Variants in ZNF850 observed in about 807,000 individuals in gnomAD.
ZNF850 encodes zinc finger protein 850.
ZNF850 carries 2 observed loss-of-function variants against 11.9 expected under a neutral mutation model. That is an observed-to-expected ratio of 0.17 (90% CI 0.07 to 0.53). The LOEUF is 0.53. Ranked by LOEUF, ZNF850 falls within the 20% of genes least tolerant of loss-of-function variation. ZNF850 has a pLI of 0.94. For missense variants in ZNF850, 1,014 were observed against 1,316.4 expected, an observed-to-expected ratio of 0.77 and a Z score of 3.55; for synonymous variants, 381 against 443.0, an observed-to-expected ratio of 0.86 and a Z score of 1.76.
rs2145953336 is a variant in ZNF850 at position 36,747,689 on chromosome 19, C to A, written c.*78G>T. 3.3e-6 allele frequency: 4 copies of A among 1,227,988 alleles called. No homozygotes were observed. The highest frequency in any genetic ancestry group is 3.5e-5 in the South Asian group (2 of 56,384). 76.1% of individuals were successfully genotyped at this position (1,227,988 alleles called of 1,614,324 possible). On this transcript the variant is annotated 3_prime_UTR_variant, in exon 5 of 5. Transcript: ENST00000591344. ...GAAAAAGTGAATATGAAGTAATACA[C>A]ATCCATTGTATTTGACCCACATATG...
At chr19:36,769,715 T>C (rs1171464003) in intron 1 of ZNF850, among the ~76,000 whole-genome samples, 1 of 152,214 alleles carries the variant, frequency 6.6e-6, no homozygotes, top group Non-Finnish European at 1.5e-5. Context: ...CTTCCTCTGC[T>C]TCACAACAAA....
At chr19:36,755,188 A>G (rs1056057721) in intron 4 of ZNF850, among the ~76,000 whole-genome samples, 4 of 152,190 alleles carry the variant, frequency 2.6e-5, no homozygotes. Flanking sequence ...ACATTTACAA[A>G]AGCTTATGGG....
intron 4 of ZNF850, among the ~76,000 whole-genome samples, chr19:36,761,164 G>T (rs998157599): frequency 1.4e-4 from 21 of 151,680 alleles, no homozygotes; most frequent in African/African-American, 4.6e-4. Flanking sequence ...TCTTGGCCAG[G>T]CGCAGTGGCT....
intron 1 of ZNF850, among the ~76,000 whole-genome samples, chr19:36,770,994 G>C (rs2040578430): frequency 6.6e-6 from 1 of 152,014 alleles, no homozygotes; most frequent in South Asian, 2.1e-4. Context: ...CACTTATTTG[G>C]ACTGAGATTA....
At chr19:36,767,062 C>A (rs1033194196) in intron 1 of ZNF850, among the ~76,000 whole-genome samples, 1 of 151,664 alleles carries the variant, frequency 6.6e-6, no homozygotes, top group Admixed American at 6.6e-5. Context: ...CATGGTGAAA[C>A]CCTGTCTCAA....
chr19:36,754,846 C>T (rs770052770), intron 4 of ZNF850, among the ~76,000 whole-genome samples: 14 of 152,252 alleles, frequency 9.2e-5, no homozygotes, highest in African/African-American at 2.2e-4. Flanking sequence ...TGAGCGACCA[C>T]GCACGGCTGA....
intron 1 of ZNF850, among the ~76,000 whole-genome samples, chr19:36,765,094 T>C (rs1252959794): frequency 1.3e-5 from 2 of 152,238 alleles, no homozygotes; most frequent in Non-Finnish European, 2.9e-5. Flanking sequence ...GCTAGCAACA[T>C]TGCTGCTTGC....
At chr19:36,768,152 A>G (rs1158328370) in intron 1 of ZNF850, among the ~76,000 whole-genome samples, 1 of 151,550 alleles carries the variant, frequency 6.6e-6, no homozygotes, top group Admixed American at 6.6e-5. Context: ...ACATCTGTGA[A>G]CTGTGACCAC....
At chr19:36,757,227 A>G (rs1256335959) in intron 4 of ZNF850, among the ~76,000 whole-genome samples, 1 of 152,176 alleles carries the variant, frequency 6.6e-6, no homozygotes, top group Admixed American at 6.6e-5. Flanking sequence ...ACTAGTAAAT[A>G]GAAGCTTTTC....
chr19:36,745,298 T>C lies in ZNF850; in HGVS notation c.*2469A>G, dbSNP rs1600600903. On this transcript the variant is annotated 3_prime_UTR_variant, in exon 5 of 5. Coordinates refer to ENST00000591344, the MANE Select transcript of ZNF850 (RefSeq NM_001193552.2). ...AAACGCAAGTGTAATTTAAATAGAA[T>C]GAAATACAACAATCCGAAGTGCATA... 2 of 152,272 alleles carry C rather than the reference T, an allele frequency of 1.3e-5. No individual in the cohort carries two copies. The highest frequency in any genetic ancestry group is 6.5e-5 in the Admixed American group (1 of 15,278). 9.4% of individuals were successfully genotyped at this position (152,272 alleles called of 1,614,324 possible). A position where few individuals can be genotyped will look rare whatever the true frequency, so the allele number is the denominator to read the frequency against.
intron 4 of ZNF850, among the ~76,000 whole-genome samples, chr19:36,760,985 A>C (rs2040514487): frequency 6.6e-6 from 1 of 152,220 alleles, no homozygotes; most frequent in East Asian, 1.9e-4. Flanking sequence ...TATTTTGAAA[A>C]AAAAATTTTT....
intron 1 of ZNF850, among the ~76,000 whole-genome samples, chr19:36,770,107 G>C (rs2040572201): frequency 6.6e-6 from 1 of 152,210 alleles, no homozygotes; most frequent in African/African-American, 2.4e-5. Flanking sequence ...CTAGGGCGAG[G>C]TATGGGGCAA....
At chr19:36,754,516 A>G (rs992373973) in intron 4 of ZNF850, among the ~76,000 whole-genome samples, 21 of 152,264 alleles carry the variant, frequency 1.4e-4, no homozygotes, top group African/African-American at 4.1e-4. Flanking sequence ...GAGAAAATAC[A>G]AAAAGTTTAG....
chr19:36,762,251 C>T (rs2040523542), intron 3 of ZNF850, 54 bp downstream of exon 3: 2 of 1,414,326 alleles, frequency 1.4e-6, no homozygotes, highest in Non-Finnish European at 1.9e-6. Flanking sequence ...GTCACCCAGA[C>T]AATTGAAAGC....
rs1170436980 is a variant in ZNF850 at position 36,746,261 on chromosome 19, G to C, written c.*1506C>G. 1 of 152,152 alleles carries C rather than the reference G, an allele frequency of 6.6e-6. No individual in the cohort carries two copies. The highest frequency in any genetic ancestry group is 2.4e-5 in the African/African-American group (1 of 41,444). 9.4% of individuals were successfully genotyped at this position (152,152 alleles called of 1,614,324 possible). ...CAACTTTCTCATTGTTGTTATATCT[G>C]TTATGGTGGCCTATGATTATCTTAG... On this transcript the variant is annotated 3_prime_UTR_variant, in exon 5 of 5. Coordinates refer to ENST00000591344, the MANE Select transcript of ZNF850 (RefSeq NM_001193552.2).
In ZNF850 at chr19:36,749,802, G is replaced by A; in HGVS notation, c.1238C>T (p.Ala413Val). 1 of 1,540,820 alleles carries A rather than the reference G, an allele frequency of 6.5e-7. No homozygotes were observed. Among genetic ancestry groups the A allele is most frequent in the Non-Finnish European group, 8.7e-7 (1 of 1,149,444 alleles). The change falls in exon 5 of 5, where the codon GCA becomes GTA. Residue 413 changes from alanine to valine, a missense_variant. Physicochemically the swap from Ala to Val is moderately conservative, Grantham distance 64. Around this residue, in one of 2 missense-constraint regions of ZNF850, gnomAD observed 835 missense variants for 1,022.0 expected, o/e 0.82. Coordinates refer to ENST00000591344, the MANE Select transcript of ZNF850 (RefSeq NM_001193552.2). ...TFRSGLIGHQ[A>V]IHTGEKPYDC... is the part of the protein sequence containing the mutation. ...ATAGGGTTTCTCACCAGTGTGAATT[G>A]CCTGGTGTCCAATTAACCCTGAGCG... is the stretch of plus-strand genomic sequence containing the variant.
At chr19:36,767,292 C>T (rs1172178921) in intron 1 of ZNF850, among the ~76,000 whole-genome samples, 1 of 151,892 alleles carries the variant, frequency 6.6e-6, no homozygotes, top group African/African-American at 2.4e-5. Flanking sequence ...CACAGTGGCT[C>T]ATGCCTGCAA....
chr19:36,771,364 G>T (rs1238730677), intron 1 of ZNF850, among the ~76,000 whole-genome samples: 1 of 152,182 alleles, frequency 6.6e-6, no homozygotes, highest in Non-Finnish European at 1.5e-5. Flanking sequence ...ATCCCAGGCT[G>T]AAGTGAAAGT....
Position 36,762,663 on chromosome 19 carries a change from T to C in ZNF850, c.-57A>G. 1.3e-6 allele frequency: 2 copies of C among 1,496,806 alleles called. No homozygotes were observed. The highest frequency in any genetic ancestry group is 1.8e-6 in the Non-Finnish European group (2 of 1,111,172). 92.7% of individuals were successfully genotyped at this position (1,496,806 alleles called of 1,614,324 possible). A position where few individuals can be genotyped will look rare whatever the true frequency, so the allele number is the denominator to read the frequency against. ...TCATAGAATGGGACATTCCGAATAT[T>C]CCATGGTTAGAGCTGGGAATGAATA... is the stretch of plus-strand genomic sequence containing the variant. On this transcript the variant is annotated 5_prime_UTR_variant, in exon 2 of 5. Coordinates refer to ENST00000591344, the MANE Select transcript of ZNF850 (RefSeq NM_001193552.2).
Sources: gnomAD v4.1 joint callset for allele counts (sites outside exome capture counted in the v4.1 genomes callset) on GRCh38, gnomAD v4.1.1 for gene constraint, gnomAD v4.1.1 regional missense constraint, MANE v1.5 for transcripts, NCBI Gene and HGNC (gene_info 2026-07-23, HGNC 2026-07-21) for gene names.